The following PIP5K1A variants were observed in gnomAD, a reference collection of about 807,000 sequenced individuals.
PIP5K1A encodes phosphatidylinositol 4-phosphate 5-kinase type-1 alpha.
PIP5K1A carries 46 observed loss-of-function variants against 72.9 expected under a neutral mutation model. The ratio of observed to expected loss-of-function variants is 0.63; its 90% CI spans 0.50 to 0.81. The LOEUF (loss-of-function observed/expected upper bound fraction) is 0.81, where lower values mean the gene tolerates loss of function less well. Ranked by LOEUF, PIP5K1A falls within the 30% of genes least tolerant of loss-of-function variation. The pLI is 0.00. For missense variants in PIP5K1A, 458 were observed against 706.1 expected, an observed-to-expected ratio of 0.65 and a Z score of 3.98; for synonymous variants, 228 against 255.1, an observed-to-expected ratio of 0.89 and a Z score of 1.01.
Position 151,199,014 on chromosome 1 carries a change from C to T in PIP5K1A, c.18C>T (p.Ser6=), listed in dbSNP as rs1332525310. The stretch of plus-strand genomic sequence containing the variant: ...CTGCTAAGATGGCGTCGGCCTCCTC[C>T]GGGCCGTCGTCTTCGGTCGGTTTTT... MASAS[S]GPSSSVGFSS... is the part of the protein sequence containing the mutation. Residue 6 remains serine (S), a synonymous_variant, in exon 1 of 16, where the codon TCC becomes TCT. Transcript: ENST00000368888. The T allele has an allele frequency of 4.3e-6, 7 of 1,614,026 alleles. No homozygotes were observed. The Admixed American group carries it at 6.7e-5, about 15-fold the overall frequency.
intron 4 of PIP5K1A, among the ~76,000 whole-genome samples, chr1:151,228,349 T>C (rs1208219494): frequency 6.6e-6 from 1 of 152,158 alleles, no homozygotes; most frequent in African/African-American, 2.4e-5. Context: ...ATGATCTCGC[T>C]GTGTCGCACA....
intron 4 of PIP5K1A, 25 bp downstream of exon 4, chr1:151,227,425 T>A (rs1233309224): frequency 8.6e-6 from 13 of 1,507,948 alleles, no homozygotes; most frequent in Non-Finnish European, 1.1e-5. Context: ...AACCGTCTCA[T>A]CTTACTCCAG....
chr1:151,224,221 T>A, intron 1 of PIP5K1A, 24 bp from the exon 2 acceptor site: 3 of 1,607,968 alleles, frequency 1.9e-6, no homozygotes, highest in Middle Eastern at 1.7e-4. Flanking sequence ...TACACTCTTA[T>A]GATTGTTTTT....
chr1:151,230,102 A>G (rs984820088), intron 4 of PIP5K1A, among the ~76,000 whole-genome samples: 10 of 152,156 alleles, frequency 6.6e-5, no homozygotes, highest in African/African-American at 2.4e-4. Flanking sequence ...AAAAAAAAAC[A>G]AAAAACTAGT....
At chr1:151,235,227 C>T (rs1397401244) in intron 8 of PIP5K1A, among the ~76,000 whole-genome samples, 6 of 152,220 alleles carry the variant, frequency 3.9e-5, no homozygotes, top group African/African-American at 1.2e-4. Context: ...GGATTACAGG[C>T]GCCCATCACC....
intron 14 of PIP5K1A, among the ~76,000 whole-genome samples, chr1:151,246,297 C>T (rs1333724854): frequency 1.3e-5 from 2 of 152,200 alleles, no homozygotes; most frequent in East Asian, 1.9e-4. Context: ...AGCTGGATGC[C>T]TTTGGCTCGG....
At chr1:151,232,764 C>G (rs1690278721) in intron 7 of PIP5K1A, 61 bp downstream of exon 7, 9 of 1,449,336 alleles carry the variant, frequency 6.2e-6, no homozygotes, top group Non-Finnish European at 8.6e-6. Context: ...GCTGGGGAGG[C>G]TGTCTTCAGC....
At chr1:151,208,715 T>C (rs1204570028) in intron 1 of PIP5K1A, among the ~76,000 whole-genome samples, 3 of 136,754 alleles carry the variant, frequency 2.2e-5, no homozygotes, top group Non-Finnish European at 3.1e-5. Flanking sequence ...GTTGTAATGG[T>C]ACGCTTTTTT....
chr1:151,218,572 C>T (rs587736737), intron 1 of PIP5K1A, among the ~76,000 whole-genome samples: 1 of 152,140 alleles, frequency 6.6e-6, no homozygotes, highest in African/African-American at 2.4e-5. Context: ...CTCAGTGGCT[C>T]ACGCCTGTAA....
At chr1:151,223,348 C>CAAAAAAA (rs1234599998) in intron 1 of PIP5K1A, among the ~76,000 whole-genome samples, 1 of 63,432 alleles carries the variant, frequency 1.6e-5, no homozygotes, top group Non-Finnish European at 3.2e-5. Flanking sequence ...AACTCCGTCT[C>CAAAAAAA]AAAAAAAAAA....
intron 4 of PIP5K1A, among the ~76,000 whole-genome samples, chr1:151,228,099 G>C (rs1170091719): frequency 6.6e-6 from 1 of 151,982 alleles, no homozygotes; most frequent in Non-Finnish European, 1.5e-5. Context: ...AGCCCAGCCT[G>C]TTGATACAAA....
rs1193197347 is a variant in PIP5K1A, at chr1:151,236,741, G to C, written c.1123G>C (p.Gly375Arg). ...ESIQGEARRG[G>R]TMETDDHMGG... ...CATCCAGGGAGAGGCTCGACGGGGT[G>C]GTACCATGGAGACTGATGACCAGTA... The change falls in exon 9 of 16, where the codon GGT (glycine) becomes CGT (arginine). Residue 375 changes from glycine to arginine, a missense_variant. Gly to Arg is a moderately radical substitution (Grantham distance 125). Around this residue, in one of 3 missense-constraint regions of PIP5K1A, gnomAD observed 220 missense variants for 442.6 expected, o/e 0.50. Transcript: ENST00000368888. 1 of 1,613,544 alleles carries C rather than the reference G, an allele frequency of 6.2e-7. No individual in the cohort carries two copies. The highest frequency in any genetic ancestry group is 1.1e-5 in the South Asian group (1 of 91,056).
In PIP5K1A at chr1:151,232,320, C is replaced by T. The variant is rs186247751; in HGVS notation, c.441C>T (p.Phe147=). ...FRFKTYAPVA[F]RYFRELFGIR... ...TCAAGACCTATGCACCTGTTGCCTT[C>T]CGCTACTTCCGGGAGCTATTTGGTA... is the stretch of plus-strand genomic sequence containing the variant. Residue 147 remains phenylalanine, a synonymous_variant, in exon 6 of 16, where the codon TTC becomes TTT. Coordinates refer to ENST00000368888, the MANE Select transcript of PIP5K1A (RefSeq NM_001135638.2). 17 of 1,614,130 alleles carry T rather than the reference C, an allele frequency of 1.1e-5. No individual in the cohort carries two copies. In the East Asian group the frequency reaches 3.8e-4, roughly 36 times the overall value.
chr1:151,238,845 G>C (rs961177746), intron 10 of PIP5K1A, among the ~76,000 whole-genome samples: 1 of 152,082 alleles, frequency 6.6e-6, no homozygotes, highest in African/African-American at 2.4e-5. Context: ...TGTTCCTTCA[G>C]CTCTCCTTTT....
At chr1:151,236,814 T>TTA in intron 9 of PIP5K1A, 51 bp downstream of exon 9, 1 of 1,090,390 alleles carries the variant, frequency 9.2e-7, no homozygotes, top group Non-Finnish European at 1.3e-6. Flanking sequence ...CACAGCACTT[T>TTA]TCTTTTCTTT....
intron 12 of PIP5K1A, chr1:151,240,350 T>C (rs1691506793): frequency 1.2e-5 from 4 of 342,604 alleles, no homozygotes; most frequent in Non-Finnish European, 2.1e-5. Flanking sequence ...GCCACAGAGA[T>C]AGGCAGAGCC....
At chr1:151,232,807 G>GTC in intron 7 of PIP5K1A, 104 bp downstream of exon 7, 2 of 1,081,922 alleles carry the variant, frequency 1.8e-6, no homozygotes, top group Admixed American at 2.2e-5. Flanking sequence ...TCTATCTTAA[G>GTC]AGTGTAGTTC....
intron 14 of PIP5K1A, among the ~76,000 whole-genome samples, chr1:151,243,025 AC>A (rs2101667253): frequency 6.6e-6 from 1 of 152,332 alleles, no homozygotes; most frequent in Admixed American, 6.5e-5. Context: ...CTATGCAGAA[AC>A]CATGGCCTCT....
intron 12 of PIP5K1A, among the ~76,000 whole-genome samples, chr1:151,241,599 G>A (rs1206559292): frequency 7.2e-5 from 11 of 151,956 alleles, no homozygotes; most frequent in Admixed American, 4.6e-4. Flanking sequence ...TCAAGAGTTC[G>A]AGACCAGCCT....
Sources: allele counts gnomAD v4.1 joint callset (sites outside exome capture counted in the v4.1 genomes callset), GRCh38; gene constraint gnomAD v4.1.1; regional missense constraint gnomAD v4.1.1; transcripts MANE v1.5; gene names NCBI Gene and HGNC (gene_info 2026-07-23, HGNC 2026-07-21).